The following ADCY5 variants were observed in gnomAD, a reference collection of about 807,000 sequenced individuals.
ADCY5 encodes the protein adenylate cyclase type 5.
A neutral mutation model predicts 119.7 loss-of-function variants in ADCY5; 30 were observed. The observed-to-expected ratio is 0.25, with a 90% CI of 0.19 to 0.34. The LOEUF (loss-of-function observed/expected upper bound fraction) is 0.34, where lower values mean the gene tolerates loss of function less well. ADCY5 is among the 10% of genes least tolerant of loss of function. The probability of loss-of-function intolerance (pLI) is 1.00; values close to 1 mark genes in which losing one functional copy is unlikely to be tolerated. For missense variants in ADCY5, 1,324 were observed against 1,775.2 expected (o/e 0.75, Z 4.57); for synonymous variants, 753 against 762.2 (o/e 0.99, Z 0.20).
chr3:123,328,915 C>G, intron 5 of ADCY5, 113 bp from the exon 6 acceptor site: 1 of 1,123,162 alleles, frequency 8.9e-7, no homozygotes, highest in African/African-American at 1.5e-5. Flanking sequence ...AGAGTCTTCT[C>G]TCTCCCATCC....
intron 5 of ADCY5, among the ~76,000 whole-genome samples, chr3:123,329,439 A>G (rs1941655578): frequency 6.6e-6 from 1 of 152,184 alleles, no homozygotes; most frequent in Non-Finnish European, 1.5e-5. Flanking sequence ...CTCCCAGTAG[A>G]CAGGGCAGGC....
rs200028776 is a variant in ADCY5, at chr3:123,325,378, G to A, written c.2032C>T (p.Arg678Cys). 1.9e-5 allele frequency: 31 copies of A among 1,614,132 alleles called. No individual in the cohort carries two copies. The highest frequency in any genetic ancestry group is 5.3e-5 in the African/African-American group (4 of 75,042). ...GHNPPHWGAE[R>C]PFYNHLGGNQ... is the part of the protein sequence containing the mutation. ...CCACCCAGGTGGTTGTAGAAGGGGC[G>A]CTCAGCCCCCCAGTGTGGTGGGTTG... Residue 678 changes from arginine to cysteine, a missense_variant, in exon 8 of 21, where the codon CGC (arginine) becomes TGC (cysteine). Transcript: ENST00000462833.
At chr3:123,308,030 T>TC (rs1940299636) in intron 12 of ADCY5, among the ~76,000 whole-genome samples, 1 of 73,984 alleles carries the variant, frequency 1.4e-5, no homozygotes, top group South Asian at 4.5e-4. Flanking sequence ...TTCATGCTCT[T>TC]TTTTTTTTTT....
intron 3 of ADCY5, among the ~76,000 whole-genome samples, chr3:123,334,799 T>C (rs980993885): frequency 2.0e-5 from 3 of 152,210 alleles, no homozygotes; most frequent in African/African-American, 7.2e-5. Flanking sequence ...TATATATTTA[T>C]GGGGTGGGTA....
chr3:123,408,183 T>C (rs1052335565), intron 1 of ADCY5, among the ~76,000 whole-genome samples: 1 of 152,122 alleles, frequency 6.6e-6, no homozygotes, highest in Non-Finnish European at 1.5e-5. Flanking sequence ...AAGCAAATCA[T>C]GGAACATCAC....
At chr3:123,388,945 A>G (rs551024450) in intron 1 of ADCY5, among the ~76,000 whole-genome samples, 1 of 152,246 alleles carries the variant, frequency 6.6e-6, no homozygotes, top group East Asian at 1.9e-4. Flanking sequence ...GTGTTTCTAT[A>G]CTGGGGACCT....
chr3:123,296,346 C>T, intron 16 of ADCY5, 130 bp from the exon 17 acceptor site: 1 of 1,124,552 alleles, frequency 8.9e-7, no homozygotes, highest in Non-Finnish European at 1.2e-6. Context: ...CCTTATCCCC[C>T]TGCTCAAACT....
rs760174772 is a variant in ADCY5, at chr3:123,328,831, A to G, written c.1647-29T>C. ...GGGATGGAGCAGGAGTAAAGCTGGG[A>G]GAAGGCTGGAGGCCAGGCACACAGA... On this transcript the variant is annotated intron_variant, in intron 5 of 20. Transcript: ENST00000462833. The G allele has an allele frequency of 1.9e-6, 3 of 1,607,822 alleles. No homozygotes were observed. In the Admixed American group the frequency reaches 5.0e-5, roughly 27 times the overall value.
chr3:123,421,290 G>A (rs1235693091), intron 1 of ADCY5, among the ~76,000 whole-genome samples: 2 of 152,162 alleles, frequency 1.3e-5, no homozygotes, highest in African/African-American at 4.8e-5. Context: ...TGAGAAGTAG[G>A]TTACTTTTAT....
At chr3:123,314,886 T>C (rs1480355864) in intron 11 of ADCY5, among the ~76,000 whole-genome samples, 2 of 150,032 alleles carry the variant, frequency 1.3e-5, no homozygotes, top group African/African-American at 5.1e-5. Context: ...CGCCACCCCC[T>C]TTCCACCGCC....
At chr3:123,327,406 A>C (rs569056717) in intron 7 of ADCY5, among the ~76,000 whole-genome samples, 5 of 152,174 alleles carry the variant, frequency 3.3e-5, no homozygotes, top group African/African-American at 1.2e-4. Context: ...GGCCTGTTGC[A>C]TTTTTGCAAA....
intron 18 of ADCY5, 63 bp downstream of exon 18, chr3:123,291,050 C>T: frequency 6.4e-7 from 1 of 1,550,936 alleles, no homozygotes; most frequent in Non-Finnish European, 8.7e-7. Context: ...TCACATCCCT[C>T]CCATACCAGG....
At chr3:123,380,674 A>C (rs979608579) in intron 1 of ADCY5, among the ~76,000 whole-genome samples, 4 of 152,166 alleles carry the variant, frequency 2.6e-5, no homozygotes, top group Non-Finnish European at 1.5e-5. Flanking sequence ...CATGGCTAGT[A>C]CCTGTCTGTG....
chr3:123,414,793 G>C (rs2107629411), intron 1 of ADCY5, among the ~76,000 whole-genome samples: 1 of 152,280 alleles, frequency 6.6e-6, no homozygotes, highest in Middle Eastern at 3.4e-3. Flanking sequence ...TTGACCTCAA[G>C]TGATCTGCCC....
chr3:123,288,160 T>C (rs1289491391), intron 19 of ADCY5, among the ~76,000 whole-genome samples: 1 of 152,170 alleles, frequency 6.6e-6, no homozygotes, highest in Admixed American at 6.6e-5. Flanking sequence ...GCCTATGGGA[T>C]AAAGCAAGCC....
chr3:123,392,588 G>A (rs993952985), intron 1 of ADCY5, among the ~76,000 whole-genome samples: 6 of 152,208 alleles, frequency 3.9e-5, no homozygotes, highest in South Asian at 2.1e-4. Context: ...CCAGTCAGCC[G>A]ATGAGTGGTG....
chr3:123,402,338 C>T (rs1944783496), intron 1 of ADCY5, among the ~76,000 whole-genome samples: 1 of 152,216 alleles, frequency 6.6e-6, no homozygotes, highest in Non-Finnish European at 1.5e-5. Context: ...GGTGGAATGC[C>T]GGGGCTGCAG....
chr3:123,415,076 A>G (rs558241575), intron 1 of ADCY5, among the ~76,000 whole-genome samples: 1 of 152,202 alleles, frequency 6.6e-6, no homozygotes, highest in East Asian at 1.9e-4. Flanking sequence ...CAGCCACCCC[A>G]CATCACCAGG....
chr3:123,288,461 G>A (rs1194928698), intron 19 of ADCY5, among the ~76,000 whole-genome samples: 1 of 152,180 alleles, frequency 6.6e-6, no homozygotes, highest in East Asian at 1.9e-4. Context: ...CACAGACCTT[G>A]GGAGGAGCAA....
Sources: allele counts gnomAD v4.1 joint callset (sites outside exome capture counted in the v4.1 genomes callset), GRCh38; gene constraint gnomAD v4.1.1; transcripts MANE v1.5; gene names NCBI Gene and HGNC (gene_info 2026-07-23, HGNC 2026-07-21).